CHAD: variants seen among roughly 807,000 people sequenced by gnomAD.
CHAD encodes cartilage leucine-rich protein.
CHAD carries 18 observed loss-of-function variants against 24.0 expected under a neutral mutation model. The ratio of observed to expected loss-of-function variants is 0.75; its 90% CI spans 0.52 to 1.11. The LOEUF is 1.11. Ranked by LOEUF, CHAD falls within the 50% of genes most tolerant of loss-of-function variation. The probability of loss-of-function intolerance (pLI) is 0.00; values close to 1 mark genes in which losing one functional copy is unlikely to be tolerated. For synonymous variants in CHAD, 195 were observed against 211.6 expected (o/e 0.92, Z 0.68); for missense variants, 440 against 467.2 (o/e 0.94, Z 0.54).
In CHAD at chr17:50,465,281, A is replaced by G; in HGVS notation, c.*4+13T>C. The stretch of plus-strand genomic sequence containing the variant: ...AAAGAGGGACATAGGGGACCTGTTT[A>G]CCTGGCCCCCACCTGTTTAATGGCG... On this transcript the variant is annotated intron_variant, in intron 3 of 3. Coordinates refer to ENST00000508540, the MANE Select transcript of CHAD (RefSeq NM_001267.3). 6.2e-7 allele frequency: 1 copy of G among 1,613,900 alleles called. No individual in the cohort carries two copies. The highest frequency in any genetic ancestry group is 8.5e-7 in the Non-Finnish European group (1 of 1,179,946).
At position 50,464,772 on chromosome 17, in the gene CHAD, G is replaced by GGGT. The variant is rs1555611942; in HGVS notation, c.*281_*282insACC. ...CCTGTTGTGGTTCTGATTGACTTGG[G>GGGT]GGGGGGGTCTCAGCAACAGCTTCTC... is the stretch of plus-strand genomic sequence containing the variant. On this transcript the variant is annotated 3_prime_UTR_variant, in exon 4 of 4. Transcript: ENST00000508540. 5 of 329,874 alleles carry GGGT rather than the reference G, an allele frequency of 1.5e-5. No individual in the cohort carries two copies. The highest frequency in any genetic ancestry group is 5.2e-5 in the African/African-American group (2 of 38,186). The allele number at this position is 329,874 out of a possible 1,614,324, so 20.4% of individuals were successfully genotyped here.
Position 50,468,182 on chromosome 17 carries a change from G to T in CHAD, c.632C>A (p.Pro211His). 6.2e-7 allele frequency: 1 copy of T among 1,614,130 alleles called. No homozygotes were observed. The highest frequency in any genetic ancestry group is 1.1e-5 in the South Asian group (1 of 91,052). Residue 211 changes from proline (P) to histidine (H), a missense_variant, in exon 1 of 4, where the codon CCC becomes CAC. Transcript: ENST00000508540. ...CCGTAGCTTGCTCAGGGCAGCTGAG[G>T]GGTAGCTGGACAGCTGGTTCCTGTC... ...HVDRNQLSSY[P>H]SAALSKLRVV... is the part of the protein sequence containing the mutation.
chr17:50,467,600 T>C (rs2032819829), intron 1 of CHAD, among the ~76,000 whole-genome samples: 1 of 152,198 alleles, frequency 6.6e-6, no homozygotes, highest in Admixed American at 6.5e-5. Context: ...AGGGTCTCTT[T>C]GTGGGCCTGA....
Position 50,464,930 on chromosome 17 carries a change from T to G in CHAD, c.*124A>C. The G allele has an allele frequency of 2.9e-6, 1 of 348,176 alleles. No homozygotes were observed. The allele number at this position is 348,176 out of a possible 1,614,324, so 21.6% of individuals were successfully genotyped here. On this transcript the variant is annotated 3_prime_UTR_variant, in exon 4 of 4. Coordinates refer to ENST00000508540, the MANE Select transcript of CHAD (RefSeq NM_001267.3). ...GGCCCCCTGCCAGGACGTGTCTAGG[T>G]GTAGGCAGCTCTGTGCATCAGCAGA...
chr17:50,465,773 C>T lies in CHAD; in HGVS notation c.872G>A (p.Ser291Asn), dbSNP rs1421212364. The change falls in exon 2 of 4, where the codon AGC becomes AAC. Residue 291 changes from serine (S) to asparagine (N), a missense_variant. Ser to Asn is a conservative substitution (Grantham distance 46, BLOSUM62 1). Coordinates refer to ENST00000508540, the MANE Select transcript of CHAD (RefSeq NM_001267.3). ...ATTGGTAAGGGCGAGGGTCTCCAGG[C>T]TGTCGAAGGGGAAGTTGGAGGGTAG... is the stretch of plus-strand genomic sequence containing the variant. ...NQLPSNFPFD[S>N]LETLALTNNP... 6.2e-7 allele frequency: 1 copy of T among 1,613,664 alleles called. No individual in the cohort carries two copies. Among genetic ancestry groups the T allele is most frequent in the Non-Finnish European group, 8.5e-7 (1 of 1,179,980 alleles).
rs1331938097 is a variant in CHAD, at chr17:50,468,505, G to A, written c.309C>T (p.Tyr103=). The change falls in exon 1 of 4, where the codon TAC becomes TAT. Residue 103 remains tyrosine, a synonymous_variant. Transcript: ENST00000508540. ...GAFRGLKQLI[Y]LYLSHNDIRV... is the part of the protein sequence containing the mutation. ...GGATGTCGTTATGGGACAGGTACAA[G>A]TAGATAAGTTGCTTGAGGCCGCGGA... 1 of 1,614,268 alleles carries A rather than the reference G, an allele frequency of 6.2e-7. No homozygotes were observed. The highest frequency in any genetic ancestry group is 8.5e-7 in the Non-Finnish European group (1 of 1,180,044).
chr17:50,467,798 C>T lies in CHAD; in HGVS notation c.774+242G>A, dbSNP rs138899407. ...TAGGGGGCCTTTTGTGGGGCCAGGG[C>T]AGTCCCACTCCTTTTATATGTAAGA... On this transcript the variant is annotated intron_variant, in intron 1 of 3. Coordinates refer to ENST00000508540, the MANE Select transcript of CHAD (RefSeq NM_001267.3). The T allele has an allele frequency of 1.9e-3, 908 of 477,026 alleles. 8 individuals carry two copies. The highest frequency in any genetic ancestry group is 0.017 in the African/African-American group (855 of 51,260). The allele number at this position is 477,026 out of a possible 1,614,324, so 29.5% of individuals were successfully genotyped here. A position where few individuals can be genotyped will look rare whatever the true frequency, so the allele number is the denominator to read the frequency against.
rs563924096 is a variant in CHAD at position 50,465,413 on chromosome 17, G to C, written c.965C>G (p.Pro322Arg). Residue 322 changes from proline to arginine, a missense_variant, in exon 3 of 4, where the codon CCA becomes CGA. Physicochemically the swap from Pro to Arg is moderately radical, Grantham distance 103. Coordinates refer to ENST00000508540, the MANE Select transcript of CHAD (RefSeq NM_001267.3). ...RRWLEAKASRPDATCASPAKF... is the reference protein window; with the variant it reads ...RRWLEAKASRRDATCASPAKF... ...GGCAGGTGAGGCACAGGTGGCATCT[G>C]GGCGGGAGGCCTTGGCTTCCAGCCA... is the stretch of plus-strand genomic sequence containing the variant. The C allele has an allele frequency of 1.8e-5, 29 of 1,614,016 alleles. No individual in the cohort carries two copies. The East Asian group carries it at 6.0e-4, about 33-fold the overall frequency.
At position 50,465,366 on chromosome 17, in the gene CHAD, G is replaced by A. The variant is rs760046680; in HGVS notation, c.1012C>T (p.Arg338Cys). The A allele has an allele frequency of 1.1e-5, 18 of 1,613,956 alleles. No individual in the cohort carries two copies. The highest frequency in any genetic ancestry group is 6.7e-5 in the African/African-American group (5 of 74,890). Residue 338 changes from arginine to cysteine, a missense_variant, in exon 3 of 4, where the codon CGT becomes TGT. Physicochemically the swap from Arg to Cys is radical, Grantham distance 180. Transcript: ENST00000508540. ...SPAKFKGQHI[R>C]DTDAFRSCKF... The stretch of plus-strand genomic sequence containing the variant: ...CAGCTGCGGAAGGCGTCCGTGTCAC[G>A]GATGTGCTGGCCCTTGAACTTGGCA...
intron 1 of CHAD, among the ~76,000 whole-genome samples, chr17:50,467,572 A>C (rs2065155409): frequency 6.6e-6 from 1 of 151,754 alleles, no homozygotes; most frequent in African/African-American, 2.4e-5. Context: ...GCACACATGC[A>C]CAGCCCCCAC....
rs1345682475 is a variant in CHAD at position 50,466,091 on chromosome 17, CT to C, written c.775-222del. Among the ~76,000 whole-genome samples the C allele has an allele frequency of 3.5e-3, 423 of 120,136 alleles. 1 individual carries two copies. Among genetic ancestry groups the C allele is most frequent in the African/African-American group, 0.011 (326 of 31,042 alleles). 78.8% of individuals were successfully genotyped at this position (120,136 alleles called of 152,430 possible). ...TTATTTTCTTTTTTTTTTTTTTTTC[CT>C]TTTTTTTTTTTTGAGATGGAGTCTC... On this transcript the variant is annotated intron_variant, in intron 1 of 3. Transcript: ENST00000508540.
In CHAD at chr17:50,465,347, C is replaced by A; in HGVS notation, c.1031G>T (p.Arg344Leu). Residue 344 changes from arginine to leucine, a missense_variant, in exon 3 of 4, where the codon CGC (arginine) becomes CTC (leucine). Transcript: ENST00000508540. ...CCTCTTGGTGGGGAACTTGCAGCTG[C>A]GGAAGGCGTCCGTGTCACGGATGTG... Reference protein sequence around the residue: ...GQHIRDTDAFRSCKFPTKRSK... With the variant: ...GQHIRDTDAFLSCKFPTKRSK... 1.9e-6 allele frequency: 3 copies of A among 1,614,012 alleles called. No homozygotes were observed. Among genetic ancestry groups the A allele is most frequent in the Non-Finnish European group, 2.5e-6 (3 of 1,180,016 alleles).
At position 50,465,823 on chromosome 17, in the gene CHAD, A is replaced by G. The variant is rs139781004; in HGVS notation, c.822T>C (p.His274=). 2.4e-5 allele frequency: 38 copies of G among 1,613,786 alleles called. No homozygotes were observed. The African/African-American group carries it at 4.8e-4, about 20-fold the overall frequency. Residue 274 remains histidine (H), a synonymous_variant, in exon 2 of 4, where the codon CAT becomes CAC. Transcript: ENST00000508540. The stretch of plus-strand genomic sequence containing the variant: ...GCTGGTTCAAGCGGTTGTTCTCCAA[A>G]TGGACGTGTTTCAGCGTGGTTACAC... ...FLGVTTLKHV[H]LENNRLNQLP...
intron 2 of CHAD, 133 bp from the exon 3 acceptor site, chr17:50,465,572 G>A: frequency 1.4e-6 from 2 of 1,466,556 alleles, no homozygotes; most frequent in Non-Finnish European, 1.9e-6. Flanking sequence ...TACAAATGGG[G>A]AAACTGAGGC....
Position 50,468,832 on chromosome 17 carries a change from CG to C in CHAD, c.-20del. The C allele has an allele frequency of 6.7e-7, 1 of 1,497,452 alleles. No individual in the cohort carries two copies. The highest frequency in any genetic ancestry group is 2.2e-4 in the Middle Eastern group (1 of 4,466). 92.8% of individuals were successfully genotyped at this position (1,497,452 alleles called of 1,614,324 possible). A position where few individuals can be genotyped will look rare whatever the true frequency, so the allele number is the denominator to read the frequency against. On this transcript the variant is annotated 5_prime_UTR_variant, in exon 1 of 4. Transcript: ENST00000508540. ...GGACCATGGCTGGGACGCCTGGGGC[CG>C]GGGCTGGGGGCAGCAGCGGCGGCGG... is the stretch of plus-strand genomic sequence containing the variant.
intron 2 of CHAD, 56 bp from the exon 3 acceptor site, chr17:50,465,495 A>G: frequency 6.3e-7 from 1 of 1,597,796 alleles, no homozygotes; most frequent in East Asian, 2.2e-5. Context: ...GCTGGGGGGA[A>G]GGGCAGTGAA....
At chr17:50,465,900 G>A (rs758640448) in intron 1 of CHAD, 30 bp from the exon 2 acceptor site, 1 of 1,612,896 alleles carries the variant, frequency 6.2e-7, no homozygotes, top group Admixed American at 1.7e-5. Context: ...CAAGGTGGGA[G>A]CAAGGTGGTC....
chr17:50,468,370 G>C lies in CHAD; in HGVS notation c.444C>G (p.Asn148Lys). 2 of 1,614,168 alleles carry C rather than the reference G, an allele frequency of 1.2e-6. No homozygotes were observed. ...TGTTGTTGAGCTGCAAGATGAAGAG[G>C]TTGACCAGCGGGGAGAGCAACCCCC... is the stretch of plus-strand genomic sequence containing the variant. ...LPRGLLSPLV[N>K]LFILQLNNNK... Residue 148 changes from asparagine to lysine, a missense_variant, in exon 1 of 4, where the codon AAC becomes AAG. Physicochemically the swap from Asn to Lys is moderately conservative, Grantham distance 94 (BLOSUM62 0). Coordinates refer to ENST00000508540, the MANE Select transcript of CHAD (RefSeq NM_001267.3).
In CHAD at chr17:50,465,734, C is replaced by T. The variant is rs776041927; in HGVS notation, c.911G>A (p.Cys304Tyr). The change falls in exon 2 of 4, where the codon TGT (cysteine) becomes TAT (tyrosine). Residue 304 changes from cysteine (C) to tyrosine (Y), a missense_variant. By Grantham distance (194) the Cys-to-Tyr change is radical (BLOSUM62 -2). Transcript: ENST00000508540. Reference protein sequence around the residue: ...TLALTNNPWKCTCQLRGLRRW... With the variant: ...TLALTNNPWKYTCQLRGLRRW... ...CCGAAGGCCCCGGAGCTGGCAGGTA[C>T]ACTTCCAGGGGTTATTGGTAAGGGC... 1.2e-6 allele frequency: 2 copies of T among 1,613,672 alleles called. No individual in the cohort carries two copies. Among genetic ancestry groups the T allele is most frequent in the Non-Finnish European group, 1.7e-6 (2 of 1,179,948 alleles).
Sources: gnomAD v4.1 joint callset for allele counts (sites outside exome capture counted in the v4.1 genomes callset) on GRCh38, gnomAD v4.1.1 for gene constraint, MANE v1.5 for transcripts, NCBI Gene and HGNC (gene_info 2026-07-23, HGNC 2026-07-21) for gene names.